Variants in FGL1 observed in about 807,000 individuals in gnomAD.
The protein encoded by FGL1 is fibrinogen-like protein 1.
FGL1 carries 59 observed loss-of-function variants against 43.7 expected under a neutral mutation model. That is an observed-to-expected ratio of 1.35 (90% CI 1.10 to 1.68). The LOEUF is 1.68. Among genes scored for constraint, FGL1 ranks in the 40% most tolerant of loss-of-function variants. The pLI is 0.00. For synonymous variants in FGL1, 192 were observed against 126.5 expected (o/e 1.52, Z -3.48); for missense variants, 596 against 373.0 (o/e 1.60, Z -4.92).
intron 5 of FGL1, among the ~76,000 whole-genome samples, chr8:17,871,837 G>A (rs2053367145): frequency 2.0e-5 from 3 of 152,146 alleles, no homozygotes; most frequent in Admixed American, 2.0e-4. Flanking sequence ...GTACCAAGTT[G>A]ATATATGAAA....
At chr8:17,882,705 T>TTA (rs1554566741) in intron 2 of FGL1, 2 of 137,926 alleles carry the variant, frequency 1.5e-5, no homozygotes, top group Admixed American at 7.9e-5. Flanking sequence ...TTAATGTATA[T>TTA]TATATATTAT....
At position 17,868,708 on chromosome 8, in the gene FGL1, A is replaced by G. The variant is rs762740050; in HGVS notation, c.619T>C (p.Tyr207His). The G allele has an allele frequency of 2.5e-6, 4 of 1,612,884 alleles. No individual in the cohort carries two copies. The highest frequency in any genetic ancestry group is 3.4e-6 in the Non-Finnish European group (4 of 1,179,524). ...AGGGAATCTCCAGCTGTTCCAGAAT[A>G]TTCCCCAATATTCAACTCGTAGAAA... ...KNFYELNIGEYSGTAGDSLAG... is the reference protein window; with the variant it reads ...KNFYELNIGEHSGTAGDSLAG... The change falls in exon 7 of 8, where the codon TAT (tyrosine) becomes CAT (histidine). Residue 207 changes from tyrosine to histidine, a missense_variant. By Grantham distance (83) the Tyr-to-His change is moderately conservative (BLOSUM62 2). Transcript: ENST00000427924.
At chr8:17,878,611 C>G (rs975189171) in intron 3 of FGL1, among the ~76,000 whole-genome samples, 2 of 151,998 alleles carry the variant, frequency 1.3e-5, no homozygotes, top group African/African-American at 4.8e-5. Context: ...CGCTAGCACC[C>G]AAATTCTTTA....
At position 17,873,972 on chromosome 8, in the gene FGL1, T is replaced by C. The variant is rs138392872; in HGVS notation, c.502+47A>G. ...ATTTGGTTAAAAAAAAATTTTAGTG[T>C]TGTTTTTATTATATTTCAAATAAAT... On this transcript the variant is annotated intron_variant, in intron 5 of 7. Coordinates refer to ENST00000427924, the MANE Select transcript of FGL1 (RefSeq NM_004467.4). The C allele has an allele frequency of 2.8e-6, 4 of 1,411,240 alleles. No individual in the cohort carries two copies. The South Asian group carries it at 4.3e-5, about 15-fold the overall frequency. The allele number at this position is 1,411,240 out of a possible 1,614,324, so 87.4% of individuals were successfully genotyped here. A position where few individuals can be genotyped will look rare whatever the true frequency, so the allele number is the denominator to read the frequency against.
chr8:17,869,084 G>T, intron 5 of FGL1, 80 bp from the exon 6 acceptor site: 1 of 835,130 alleles, frequency 1.2e-6, no homozygotes, highest in Non-Finnish European at 1.9e-6. Flanking sequence ...ATAATTCACA[G>T]CTCTATTTTA....
At position 17,868,533 on chromosome 8, in the gene FGL1, C is replaced by T. The variant is rs1167211454; in HGVS notation, c.779+15G>A. ...TCATCAACTCCATTACAACTATGCT[C>T]ATAAGACATCAAACCTGTTAAACCA... On this transcript the variant is annotated intron_variant, in intron 7 of 7. Coordinates refer to ENST00000427924, the MANE Select transcript of FGL1 (RefSeq NM_004467.4). 6.2e-7 allele frequency: 1 copy of T among 1,601,848 alleles called. No individual in the cohort carries two copies. Among genetic ancestry groups the T allele is most frequent in the South Asian group, 1.1e-5 (1 of 88,958 alleles).
chr8:17,878,211 C>G (rs2053485661), intron 3 of FGL1, among the ~76,000 whole-genome samples: 1 of 152,130 alleles, frequency 6.6e-6, no homozygotes, highest in South Asian at 2.1e-4. Context: ...CTCGGCCTCT[C>G]AAAGTGCAGG....
intron 1 of FGL1, chr8:17,891,963 G>C (rs1159919437): frequency 5.6e-6 from 1 of 179,050 alleles, no homozygotes; most frequent in Non-Finnish European, 1.1e-5. Context: ...ATATATACCT[G>C]AAAACATAAT....
In FGL1 at chr8:17,881,990, CA is replaced by C. The variant is rs777541094; in HGVS notation, c.244+8del. ...GTTATAGAAACACTTAAGAAAAGTCCATTCTGACCTGCATACTGCCTCTTGC... is the reference window on the plus strand; with the variant it reads ...GTTATAGAAACACTTAAGAAAAGTCCTTCTGACCTGCATACTGCCTCTTGC... On this transcript the variant is annotated splice_region_variant and intron_variant, in intron 3 of 7. Coordinates refer to ENST00000427924, the MANE Select transcript of FGL1 (RefSeq NM_004467.4). 1.2e-6 allele frequency: 2 copies of C among 1,610,532 alleles called. No homozygotes were observed. The highest frequency in any genetic ancestry group is 3.3e-4 in the Middle Eastern group (2 of 6,066).
rs769617667 is a variant in FGL1 at position 17,868,699 on chromosome 8, T to G, written c.628A>C (p.Thr210Pro). 1 of 1,613,384 alleles carries G rather than the reference T, an allele frequency of 6.2e-7. No individual in the cohort carries two copies. The highest frequency in any genetic ancestry group is 8.5e-7 in the Non-Finnish European group (1 of 1,179,792). Residue 210 changes from threonine to proline, a missense_variant, in exon 7 of 8, where the codon ACA (threonine) becomes CCA (proline). Coordinates refer to ENST00000427924, the MANE Select transcript of FGL1 (RefSeq NM_004467.4). ...TTCCCCGCAAGGGAATCTCCAGCTG[T>G]TCCAGAATATTCCCCAATATTCAAC... is the stretch of plus-strand genomic sequence containing the variant. ...YELNIGEYSG[T>P]AGDSLAGNFH...
At position 17,874,133 on chromosome 8, in the gene FGL1, G is replaced by A. The variant is rs1023813225; in HGVS notation, c.405-17C>T. On this transcript the variant is annotated splice_polypyrimidine_tract_variant and intron_variant, in intron 4 of 7. Coordinates refer to ENST00000427924, the MANE Select transcript of FGL1 (RefSeq NM_004467.4). ...TTCCATCCTCTAAAAAAGGTAAAGTGGAAGCCGATTAGAGCAAACTCCATT... is the reference window on the plus strand; with the variant it reads ...TTCCATCCTCTAAAAAAGGTAAAGTAGAAGCCGATTAGAGCAAACTCCATT... 3 of 1,598,796 alleles carry A rather than the reference G, an allele frequency of 1.9e-6. No homozygotes were observed. Among genetic ancestry groups the A allele is most frequent in the Non-Finnish European group, 2.6e-6 (3 of 1,168,860 alleles).
intron 7 of FGL1, among the ~76,000 whole-genome samples, chr8:17,866,503 G>C (rs754783501): frequency 7.1e-4 from 108 of 152,190 alleles, no homozygotes; most frequent in Non-Finnish European, 2.2e-4. Flanking sequence ...GTAGCACCAA[G>C]TTTCTAAAAC....
intron 1 of FGL1, among the ~76,000 whole-genome samples, chr8:17,887,907 T>G (rs1328860359): frequency 6.6e-6 from 1 of 152,114 alleles, no homozygotes; most frequent in African/African-American, 2.4e-5. Context: ...ATATAATTTG[T>G]AGCAACAATT....
At chr8:17,885,774 C>T (rs2053619073) in intron 1 of FGL1, 1 of 510,930 alleles carries the variant, frequency 2.0e-6, no homozygotes, top group South Asian at 2.9e-5. Context: ...GAATCTGTTT[C>T]ATCACAAAAA....
chr8:17,874,989 G>A (rs1043868137), intron 3 of FGL1, among the ~76,000 whole-genome samples: 6 of 151,962 alleles, frequency 3.9e-5, no homozygotes, highest in Non-Finnish European at 8.8e-5. Flanking sequence ...TGAGTAGTCT[G>A]TTAATAACAG....
At position 17,868,738 on chromosome 8, in the gene FGL1, A is replaced by C. The variant is rs2053310820; in HGVS notation, c.592-3T>G. ...CCAATATTCAACTCGTAGAAATTCT[A>C]AAGAAAAAGGGCATTTCTGCTGTCA... is the stretch of plus-strand genomic sequence containing the variant. On this transcript the variant is annotated splice_polypyrimidine_tract_variant and splice_region_variant and intron_variant, in intron 6 of 7. Coordinates refer to ENST00000427924, the MANE Select transcript of FGL1 (RefSeq NM_004467.4). 1 of 1,607,418 alleles carries C rather than the reference A, an allele frequency of 6.2e-7. No homozygotes were observed. The highest frequency in any genetic ancestry group is 8.5e-7 in the Non-Finnish European group (1 of 1,177,040).
At chr8:17,895,220 C>G in intron 1 of FGL1, 1 of 851,646 alleles carries the variant, frequency 1.2e-6, no homozygotes, top group Non-Finnish European at 1.4e-6. Context: ...GTAATTCTAA[C>G]ATACCTTATT....
intron 1 of FGL1, among the ~76,000 whole-genome samples, chr8:17,887,307 G>C (rs1303447643): frequency 6.6e-6 from 1 of 152,164 alleles, no homozygotes; most frequent in Non-Finnish European, 1.5e-5. Flanking sequence ...GCTCTCCAAA[G>C]AATCCCACCA....
At chr8:17,874,561 C>A in intron 3 of FGL1, 40 bp from the exon 4 acceptor site, 1 of 1,551,754 alleles carries the variant, frequency 6.4e-7, no homozygotes, top group Non-Finnish European at 8.8e-7. Flanking sequence ...CATTATGTGT[C>A]TTTTTCTCCC....
Sources: allele counts gnomAD v4.1 joint callset (sites outside exome capture counted in the v4.1 genomes callset), GRCh38; gene constraint gnomAD v4.1.1; transcripts MANE v1.5; gene names NCBI Gene and HGNC (gene_info 2026-07-23, HGNC 2026-07-21).